Variants in SUSD5 observed in about 807,000 individuals in gnomAD.
SUSD5 encodes the protein sushi domain-containing protein 5.
SUSD5 carries 33 observed loss-of-function variants against 29.5 expected under a neutral mutation model. The ratio of observed to expected loss-of-function variants is 1.12; its 90% CI spans 0.85 to 1.49. The LOEUF (loss-of-function observed/expected upper bound fraction) is 1.49. Ranked by LOEUF, SUSD5 falls within the 40% of genes most tolerant of loss-of-function variation. The pLI, the probability that SUSD5 is intolerant of heterozygous loss-of-function variation, is 0.00. For synonymous variants in SUSD5, 308 were observed against 325.3 expected, an observed-to-expected ratio of 0.95 and a Z score of 0.57; for missense variants, 776 against 800.6, an observed-to-expected ratio of 0.97 and a Z score of 0.37.
In SUSD5 at chr3:33,183,930, C is replaced by CTTTTTTTTTTTTTTTTTTTTTTTTTT. The variant is rs68055129; in HGVS notation, c.410-8857_410-8856insAAAAAAAAAAAAAAAAAAAAAAAAAA. 2.4e-3 allele frequency among the ~76,000 whole-genome samples: 151 copies of CTTTTTTTTTTTTTTTTTTTTTTTTTT among 62,590 alleles called. 13 individuals are homozygous for CTTTTTTTTTTTTTTTTTTTTTTTTTT. The highest frequency in any genetic ancestry group is 5.3e-3 in the African/African-American group (70 of 13,312). The allele number at this position is 62,590 out of a possible 152,430, so 41.1% of individuals were successfully genotyped here. A position where few individuals can be genotyped will look rare whatever the true frequency, so the allele number is the denominator to read the frequency against. On this transcript the variant is annotated intron_variant, in intron 3 of 4. Coordinates refer to ENST00000309558, the MANE Select transcript of SUSD5 (RefSeq NM_015551.2). ...AACACTTTAAATATTTTATTACCCT[C>CTTTTTTTTTTTTTTTTTTTTTTTTTT]TTTTTTTTTTTTTTTTTTTTTTTTT... is the stretch of plus-strand genomic sequence containing the variant.
intron 3 of SUSD5, among the ~76,000 whole-genome samples, chr3:33,206,274 TGAG>T (rs1410539939): frequency 1.3e-5 from 2 of 151,986 alleles, no homozygotes; most frequent in African/African-American, 4.8e-5. Context: ...CTCAGGAGGC[TGAG>T]GCAGGAGAAT....
chr3:33,196,872 C>T (rs1486806464), intron 3 of SUSD5, among the ~76,000 whole-genome samples: 4 of 152,012 alleles, frequency 2.6e-5, no homozygotes, highest in Non-Finnish European at 4.4e-5. Flanking sequence ...AAAGGAGCAT[C>T]TCAGAAAACA....
At chr3:33,176,141 T>C (rs1349097817) in intron 3 of SUSD5, among the ~76,000 whole-genome samples, 1 of 152,220 alleles carries the variant, frequency 6.6e-6, no homozygotes, top group African/African-American at 2.4e-5. Flanking sequence ...TAACATGCAA[T>C]TAAAGCTCCT....
Position 33,207,801 on chromosome 3 carries a change from C to A in SUSD5, c.409+7G>T. The A allele has an allele frequency of 6.3e-7, 1 of 1,596,538 alleles. No individual in the cohort carries two copies. Among genetic ancestry groups the A allele is most frequent in the Non-Finnish European group, 8.6e-7 (1 of 1,165,444 alleles). ...TCCAGCACCTTTAAGAAGACTCTGG[C>A]ACTGACCTTCATCCTTAATACAAAG... On this transcript the variant is annotated splice_region_variant and intron_variant, in intron 3 of 4. Coordinates refer to ENST00000309558, the MANE Select transcript of SUSD5 (RefSeq NM_015551.2).
At chr3:33,213,798 A>T in intron 2 of SUSD5, 130 bp downstream of exon 2, 1 of 1,047,208 alleles carries the variant, frequency 9.5e-7, no homozygotes, top group Non-Finnish European at 1.3e-6. Context: ...AAAACAAAAC[A>T]AAACATGAAC....
intron 1 of SUSD5, among the ~76,000 whole-genome samples, 189 bp from the exon 2 acceptor site, chr3:33,214,294 T>C (rs920624844): frequency 3.3e-5 from 5 of 152,130 alleles, no homozygotes; most frequent in Admixed American, 6.5e-5. Context: ...TCTTTTTTTT[T>C]TCTCTTATCT....
intron 1 of SUSD5, among the ~76,000 whole-genome samples, chr3:33,214,537 G>T (rs1471730140): frequency 6.6e-6 from 1 of 151,960 alleles, no homozygotes; most frequent in Non-Finnish European, 1.5e-5. Flanking sequence ...CTATACAACA[G>T]GTTGCTTCCC....
chr3:33,195,590 T>C (rs932684873), intron 3 of SUSD5, among the ~76,000 whole-genome samples: 2 of 152,298 alleles, frequency 1.3e-5, no homozygotes, highest in South Asian at 4.1e-4. Context: ...TGTTCAATCA[T>C]GGTATTTATT....
intron 3 of SUSD5, among the ~76,000 whole-genome samples, chr3:33,191,753 T>C (rs2125626656): frequency 6.6e-6 from 1 of 152,180 alleles, no homozygotes; most frequent in East Asian, 1.9e-4. Context: ...TGAGAGCAGC[T>C]TGGGCAATAT....
At chr3:33,170,085 A>AT (rs2031393582) in intron 4 of SUSD5, among the ~76,000 whole-genome samples, 1 of 151,842 alleles carries the variant, frequency 6.6e-6, no homozygotes, top group South Asian at 2.1e-4. Flanking sequence ...CGCCCAGCTA[A>AT]TTTTTGTATT....
chr3:33,202,988 T>C (rs755569687), intron 3 of SUSD5, among the ~76,000 whole-genome samples: 1 of 152,140 alleles, frequency 6.6e-6, no homozygotes, highest in Non-Finnish European at 1.5e-5. Context: ...CTTAGCACCA[T>C]GCAGCATCAC....
rs2030868120 is a variant in SUSD5 at position 33,151,218 on chromosome 3, A to G, written c.*1524T>C. 6.6e-6 allele frequency: 1 copy of G among 152,208 alleles called. No individual in the cohort carries two copies. The highest frequency in any genetic ancestry group is 2.1e-4 in the South Asian group (1 of 4,828). The allele number at this position is 152,208 out of a possible 1,614,324, so 9.4% of individuals were successfully genotyped here. A position where few individuals can be genotyped will look rare whatever the true frequency, so the allele number is the denominator to read the frequency against. Reference sequence around the variant, plus strand: ...AAAAACAGAACTGGGCCCTACTCCCAGGGTTCCTGTTTCCTGAGTCCAGGG... The same window carrying G: ...AAAAACAGAACTGGGCCCTACTCCCGGGGTTCCTGTTTCCTGAGTCCAGGG... On this transcript the variant is annotated 3_prime_UTR_variant, in exon 5 of 5. Transcript: ENST00000309558.
At chr3:33,215,715 AG>A (rs2125635080) in intron 1 of SUSD5, among the ~76,000 whole-genome samples, 1 of 152,316 alleles carries the variant, frequency 6.6e-6, no homozygotes, top group African/African-American at 2.4e-5. Context: ...AGCAATAACT[AG>A]GAAAATCCCC....
chr3:33,207,488 T>C (rs2032243284), intron 3 of SUSD5, among the ~76,000 whole-genome samples: 1 of 152,206 alleles, frequency 6.6e-6, no homozygotes, highest in South Asian at 2.1e-4. Context: ...GTGGTATAAC[T>C]ACTCCAGCTC....
At chr3:33,195,755 A>AAC (rs771859916) in intron 3 of SUSD5, among the ~76,000 whole-genome samples, 51 of 151,886 alleles carry the variant, frequency 3.4e-4, no homozygotes, top group Admixed American at 1.0e-3. Flanking sequence ...AAAAAAAAAA[A>AAC]AACAGAATGC....
At chr3:33,217,864 C>G (rs111939570) in intron 1 of SUSD5, among the ~76,000 whole-genome samples, 3 of 152,342 alleles carry the variant, frequency 2.0e-5, no homozygotes, top group African/African-American at 7.2e-5. Flanking sequence ...TGGCTTTAAG[C>G]TTGCTTCCTT....
At chr3:33,160,741 TA>T (rs1196822596) in intron 4 of SUSD5, among the ~76,000 whole-genome samples, 1 of 151,974 alleles carries the variant, frequency 6.6e-6, no homozygotes, top group Non-Finnish European at 1.5e-5. Flanking sequence ...ATGACAGAAC[TA>T]AAAAATCAGT....
chr3:33,157,702 G>A (rs2031085286), intron 4 of SUSD5, among the ~76,000 whole-genome samples: 1 of 152,174 alleles, frequency 6.6e-6, no homozygotes, highest in African/African-American at 2.4e-5. Flanking sequence ...CGCAATGAAA[G>A]TGTTGCATAC....
chr3:33,174,790 G>A, intron 4 of SUSD5, 96 bp downstream of exon 4: 1 of 1,430,674 alleles, frequency 7.0e-7, no homozygotes. Flanking sequence ...AAGGCACCTT[G>A]GTGGAGAAGA....
Sources: gnomAD v4.1 joint callset for allele counts (sites outside exome capture counted in the v4.1 genomes callset) on GRCh38, gnomAD v4.1.1 for gene constraint, MANE v1.5 for transcripts, NCBI Gene and HGNC (gene_info 2026-07-23, HGNC 2026-07-21) for gene names.